Variants in EXOC2 observed in about 807,000 individuals in gnomAD.
EXOC2 encodes exocyst complex component 2.
In EXOC2, 70 loss-of-function variants were observed where a neutral mutation model predicts 131.8. The ratio of observed to expected loss-of-function variants is 0.53; its 90% CI spans 0.44 to 0.65. The LOEUF is 0.65. Among genes scored for constraint, EXOC2 ranks in the 30% least tolerant of loss-of-function variants. EXOC2 has a pLI of 0.00. For missense variants in EXOC2, 923 were observed against 1,108.6 expected (o/e 0.83, Z 2.38); for synonymous variants, 411 against 398.4 (o/e 1.03, Z -0.38).
At chr6:673,976 T>A (rs1015362191) in intron 1 of EXOC2, among the ~76,000 whole-genome samples, 2 of 152,148 alleles carry the variant, frequency 1.3e-5, no homozygotes, top group African/African-American at 4.8e-5. Flanking sequence ...TAAAGCGAAC[T>A]GCAATTAAGC....
chr6:590,115 G>GA (rs34514915), intron 11 of EXOC2, among the ~76,000 whole-genome samples: 2,489 of 142,004 alleles, frequency 0.018, 63 homozygotes, highest in African/African-American at 0.058. Context: ...ACTCTGTCTG[G>GA]AAAAAAAAAA....
rs201810816 is a variant in EXOC2 at position 572,502 on chromosome 6, C to T, written c.1443+18G>A. On this transcript the variant is annotated intron_variant, in intron 13 of 27. Coordinates refer to ENST00000230449, the MANE Select transcript of EXOC2 (RefSeq NM_018303.6). ...CACGGTGACTCAGCTCCACCTCTAG[C>T]CGAGTCCGTATACACACCTCACTGA... The T allele has an allele frequency of 3.2e-5, 52 of 1,600,718 alleles. No homozygotes were observed. The African/African-American group carries it at 6.9e-4, about 21-fold the overall frequency.
At chr6:545,036 A>C (rs1404896722) in intron 22 of EXOC2, among the ~76,000 whole-genome samples, 1 of 150,368 alleles carries the variant, frequency 6.7e-6, no homozygotes, top group Non-Finnish European at 1.5e-5. Flanking sequence ...AGTCCCAGCT[A>C]CTCGGGAGGC....
chr6:525,973 C>T (rs1030094325), intron 23 of EXOC2, among the ~76,000 whole-genome samples: 1 of 152,124 alleles, frequency 6.6e-6, no homozygotes, highest in African/African-American at 2.4e-5. Context: ...CTAACCAATT[C>T]ACTACTGATG....
chr6:586,017 A>G (rs151265630), intron 11 of EXOC2, among the ~76,000 whole-genome samples: 50 of 152,328 alleles, frequency 3.3e-4, no homozygotes, highest in African/African-American at 1.2e-3. Context: ...ACCCGCATAA[A>G]AACAATGTAG....
At chr6:489,078 CAGG>C (rs757599137) in intron 26 of EXOC2, 40 bp from the exon 27 acceptor site, 1 of 1,600,156 alleles carries the variant, frequency 6.2e-7, no homozygotes, top group South Asian at 1.1e-5. Flanking sequence ...AAGCCTTGCA[CAGG>C]AGAACTGCTG....
intron 25 of EXOC2, among the ~76,000 whole-genome samples, chr6:492,543 ATATT>A (rs1217053556): frequency 3.3e-5 from 5 of 152,258 alleles, no homozygotes; most frequent in South Asian, 2.1e-4. Flanking sequence ...AAAATGTGGC[ATATT>A]TAAAGTGGAA....
intron 1 of EXOC2, among the ~76,000 whole-genome samples, chr6:672,975 C>T (rs1328327494): frequency 1.3e-5 from 2 of 152,022 alleles, no homozygotes; most frequent in African/African-American, 2.4e-5. Flanking sequence ...TTTTAAAATT[C>T]ATGACTGGGC....
At chr6:547,192 A>G (rs1756910199) in intron 22 of EXOC2, among the ~76,000 whole-genome samples, 1 of 152,216 alleles carries the variant, frequency 6.6e-6, no homozygotes, top group African/African-American at 2.4e-5. Flanking sequence ...ATAATCCCCT[A>G]AAAACATTTA....
At chr6:672,723 C>T (rs1378523016) in intron 1 of EXOC2, among the ~76,000 whole-genome samples, 1 of 152,078 alleles carries the variant, frequency 6.6e-6, no homozygotes, top group Non-Finnish European at 1.5e-5. Flanking sequence ...CCTCAATTTT[C>T]TGAGGGATAT....
intron 10 of EXOC2, among the ~76,000 whole-genome samples, chr6:596,209 C>T (rs553037162): frequency 1.3e-5 from 2 of 151,924 alleles, no homozygotes; most frequent in Admixed American, 1.3e-4. Context: ...ACCGCCACTG[C>T]CTCTGCTTGC....
intron 1 of EXOC2, among the ~76,000 whole-genome samples, chr6:677,214 G>A (rs6934204): frequency 0.038 from 2,283 of 60,580 alleles, 83 homozygotes; most frequent in East Asian, 0.072. Flanking sequence ...GGTTCCTCTG[G>A]AGACTCTGCG....
rs1757407448 is a variant in EXOC2 at position 556,123 on chromosome 6, G to A, written c.1933-110C>T. On this transcript the variant is annotated intron_variant, in intron 18 of 27. Transcript: ENST00000230449. ...CGTGGAACGCTGCTGCAGGAGTGGT[G>A]CCCTTCCTATAAAAGGAGGCGTGCG... is the stretch of plus-strand genomic sequence containing the variant. The A allele has an allele frequency of 6.2e-6, 6 of 974,258 alleles. No individual in the cohort carries two copies. In the South Asian group the frequency reaches 8.8e-5, roughly 14 times the overall value. The allele number at this position is 974,258 out of a possible 1,614,324, so 60.4% of individuals were successfully genotyped here.
chr6:500,098 T>C (rs1763956866), intron 23 of EXOC2, among the ~76,000 whole-genome samples: 1 of 151,770 alleles, frequency 6.6e-6, no homozygotes, highest in Non-Finnish European at 1.5e-5. Flanking sequence ...ATATATACTG[T>C]AAAACACACA....
chr6:488,468 T>C (rs570826373), intron 27 of EXOC2, among the ~76,000 whole-genome samples: 6 of 152,316 alleles, frequency 3.9e-5, no homozygotes, highest in African/African-American at 1.4e-4. Context: ...ATCAGTGTGG[T>C]CTAATGAAAT....
chr6:553,701 T>C lies in EXOC2; in HGVS notation c.2121+153A>G, dbSNP rs117712367. On this transcript the variant is annotated intron_variant, in intron 21 of 27. Transcript: ENST00000230449. Reference sequence around the variant, plus strand: ...TGTGAAATTCATATAAATTATACTTTCCTGAAAATTTCACATAATAGAGCT... The same window carrying C: ...TGTGAAATTCATATAAATTATACTTCCCTGAAAATTTCACATAATAGAGCT... Among the ~76,000 whole-genome samples the C allele has an allele frequency of 2.6e-3, 402 of 152,310 alleles. 11 individuals are homozygous for C. In the East Asian group the frequency reaches 0.047, roughly 18 times the overall value.
chr6:568,142 C>T (rs1419083804), intron 13 of EXOC2, among the ~76,000 whole-genome samples: 1 of 152,178 alleles, frequency 6.6e-6, no homozygotes, highest in Non-Finnish European at 1.5e-5. Context: ...GGGTGCTAGA[C>T]ATTTGGTGAA....
intron 17 of EXOC2, among the ~76,000 whole-genome samples, chr6:559,844 G>T (rs1757611460): frequency 6.6e-6 from 1 of 152,194 alleles, no homozygotes; most frequent in Non-Finnish European, 1.5e-5. Context: ...CAGAGTTACT[G>T]AATTGATGGC....
At chr6:489,969 G>A (rs942334164) in intron 26 of EXOC2, among the ~76,000 whole-genome samples, 2 of 152,230 alleles carry the variant, frequency 1.3e-5, no homozygotes, top group Non-Finnish European at 2.9e-5. Flanking sequence ...TGTGGGACGG[G>A]TGGCTTGGCG....
Sources: allele counts gnomAD v4.1 joint callset (sites outside exome capture counted in the v4.1 genomes callset), GRCh38; gene constraint gnomAD v4.1.1; transcripts MANE v1.5; gene names NCBI Gene and HGNC (gene_info 2026-07-23, HGNC 2026-07-21).